ZNF385D: variants seen among roughly 807,000 people sequenced by gnomAD.
ZNF385D encodes the protein zinc finger protein 659.
A neutral mutation model predicts 35.8 loss-of-function variants in ZNF385D; 15 were observed. The observed-to-expected ratio is 0.42, with a 90% CI of 0.28 to 0.64. The LOEUF (loss-of-function observed/expected upper bound fraction) is 0.64, where lower values mean the gene tolerates loss of function less well. Ranked by LOEUF, ZNF385D falls within the 30% of genes least tolerant of loss-of-function variation. The pLI, the probability that ZNF385D is intolerant of heterozygous loss-of-function variation, is 0.23. For synonymous variants in ZNF385D, 212 were observed against 186.8 expected, an observed-to-expected ratio of 1.13 and a Z score of -1.10; for missense variants, 474 against 494.6, an observed-to-expected ratio of 0.96 and a Z score of 0.39.
chr3:21,830,016 C>T (rs769098068), intron 3 of ZNF385D, among the ~76,000 whole-genome samples: 11 of 151,660 alleles, frequency 7.3e-5, no homozygotes, highest in Non-Finnish European at 1.5e-4. Context: ...CCCAGCTGCT[C>T]GGGAGGCTGA....
intron 3 of ZNF385D, among the ~76,000 whole-genome samples, chr3:21,536,561 C>T (rs943930964): frequency 1.4e-4 from 22 of 152,104 alleles, no homozygotes; most frequent in African/African-American, 5.1e-4. Context: ...TTTATTTGGT[C>T]ATTAATTTAT....
intron 3 of ZNF385D, among the ~76,000 whole-genome samples, chr3:21,974,455 T>C (rs188231208): frequency 6.6e-6 from 1 of 152,174 alleles, no homozygotes; most frequent in Admixed American, 6.6e-5. Flanking sequence ...ATCTAAGATC[T>C]TAAGCTAAGA....
At chr3:21,730,197 G>A (rs527597854) in intron 1 of ZNF385D, among the ~76,000 whole-genome samples, 4 of 152,226 alleles carry the variant, frequency 2.6e-5, no homozygotes, top group Admixed American at 1.3e-4. Context: ...ACAGAGCATA[G>A]GATCAAAATC....
intron 3 of ZNF385D, among the ~76,000 whole-genome samples, chr3:22,140,239 C>T (rs1263824315): frequency 6.6e-6 from 1 of 152,098 alleles, no homozygotes; most frequent in East Asian, 1.9e-4. Context: ...TGAAATAATA[C>T]TCAGCAATAA....
rs143558691 is a variant in ZNF385D at position 21,490,552 on chromosome 3, G to A, written c.439+20309C>T. Reference sequence around the variant, plus strand: ...TGACTTTACAGTAAAAGTCATAAAAGGAAATACAGCTTCAGCCTAGCTGTC... The same window carrying A: ...TGACTTTACAGTAAAAGTCATAAAAAGAAATACAGCTTCAGCCTAGCTGTC... On this transcript the variant is annotated intron_variant, in intron 4 of 7. Transcript: ENST00000281523. Among the ~76,000 whole-genome samples, 218 of 152,204 alleles carry A rather than the reference G, an allele frequency of 1.4e-3. 1 individual carries two copies. The highest frequency in any genetic ancestry group is 5.0e-3 in the African/African-American group (206 of 41,538).
intron 3 of ZNF385D, among the ~76,000 whole-genome samples, chr3:21,791,936 T>C (rs1315516217): frequency 6.6e-6 from 1 of 152,152 alleles, no homozygotes; most frequent in East Asian, 1.9e-4. Context: ...GGTTTCACCA[T>C]CTTGGCTAGG....
chr3:21,999,346 C>A (rs1553716536), intron 3 of ZNF385D, among the ~76,000 whole-genome samples: 2 of 151,028 alleles, frequency 1.3e-5, no homozygotes. Flanking sequence ...TTTTGCCTGT[C>A]ACATCTGATG....
intron 3 of ZNF385D, among the ~76,000 whole-genome samples, chr3:21,844,956 A>C (rs909073789): frequency 2.0e-5 from 3 of 151,958 alleles, no homozygotes; most frequent in Non-Finnish European, 2.9e-5. Flanking sequence ...TTGTTTTTCT[A>C]ACACTTTAAA....
intron 3 of ZNF385D, among the ~76,000 whole-genome samples, chr3:22,094,951 G>A (rs553000940): frequency 3.9e-5 from 6 of 151,994 alleles, no homozygotes; most frequent in African/African-American, 1.2e-4. Flanking sequence ...TGTTACCCAA[G>A]GTGGAGTATA....
chr3:21,579,405 A>G (rs1266637933), intron 2 of ZNF385D: 2 of 152,034 alleles, frequency 1.3e-5, no homozygotes, highest in African/African-American at 4.8e-5. Flanking sequence ...ACTTTAATAC[A>G]TAAATTATAG....
intron 3 of ZNF385D, among the ~76,000 whole-genome samples, chr3:21,521,262 G>A (rs1707884188): frequency 6.6e-6 from 1 of 152,182 alleles, no homozygotes; most frequent in Non-Finnish European, 1.5e-5. Flanking sequence ...CATTGAGAAA[G>A]GCTGGAGAAC....
At chr3:22,369,715 A>C in intron 2 of ZNF385D, among the ~76,000 whole-genome samples, 1 of 152,202 alleles carries the variant, frequency 6.6e-6, no homozygotes. Context: ...GTGACTTAAA[A>C]TATATCATCA....
intron 2 of ZNF385D, among the ~76,000 whole-genome samples, chr3:22,187,849 C>G (rs1371252456): frequency 3.3e-5 from 5 of 152,152 alleles, no homozygotes; most frequent in South Asian, 2.1e-4. Flanking sequence ...GAGAGACTAT[C>G]TTTCCCAGCC....
In ZNF385D at chr3:22,260,872, C is replaced by T. The variant is rs151037346; in HGVS notation, c.107-91837G>A. ...AAGAAACGTGTTTTTATCACTTATTCTATGGTAACAGTTTTAGTAGAACAA... is the reference window on the plus strand; with the variant it reads ...AAGAAACGTGTTTTTATCACTTATTTTATGGTAACAGTTTTAGTAGAACAA... On this transcript the variant is annotated intron_variant, in intron 2 of 5. Transcript: ENST00000494108. Among the ~76,000 whole-genome samples, 749 of 152,078 alleles carry T rather than the reference C, an allele frequency of 4.9e-3. 3 individuals are homozygous for T. Among genetic ancestry groups the T allele is most frequent in the African/African-American group, 0.017 (714 of 41,552 alleles).
chr3:21,910,058 A>G (rs1368719743), intron 3 of ZNF385D, among the ~76,000 whole-genome samples: 2 of 150,650 alleles, frequency 1.3e-5, no homozygotes, highest in Non-Finnish European at 3.0e-5. Context: ...TATAGTCCCA[A>G]TTAGCTGTGG....
intron 4 of ZNF385D, among the ~76,000 whole-genome samples, chr3:21,443,980 C>A (rs1336245625): frequency 6.6e-6 from 1 of 151,980 alleles, no homozygotes; most frequent in Non-Finnish European, 1.5e-5. Flanking sequence ...TCACTATGTG[C>A]TACATGTATT....
chr3:21,847,911 T>C (rs766521726), intron 3 of ZNF385D, among the ~76,000 whole-genome samples: 12 of 152,060 alleles, frequency 7.9e-5, no homozygotes, highest in African/African-American at 2.2e-4. Context: ...ATAGGCACCA[T>C]GTCGTGCAGC....
At chr3:21,856,726 A>T (rs1006978848) in intron 3 of ZNF385D, among the ~76,000 whole-genome samples, 1 of 152,050 alleles carries the variant, frequency 6.6e-6, no homozygotes, top group African/African-American at 2.4e-5. Context: ...TAACTAGTTG[A>T]CCTGATTTTT....
At chr3:22,367,535 AGGAAACTGAGACACCTAACTTCT>A (rs1193097114) in intron 2 of ZNF385D, among the ~76,000 whole-genome samples, 1 of 152,138 alleles carries the variant, frequency 6.6e-6, no homozygotes, top group African/African-American at 2.4e-5. Context: ...GGATGGCTTT[AGGAAACTGAGACACCTAACTTCT>A]GGAAGTTGTA....
Sources: gnomAD v4.1 joint callset for allele counts (sites outside exome capture counted in the v4.1 genomes callset) on GRCh38, gnomAD v4.1.1 for gene constraint, MANE v1.5 for transcripts, NCBI Gene and HGNC (gene_info 2026-07-23, HGNC 2026-07-21) for gene names.